Variants in FAM20C observed in about 807,000 individuals in gnomAD.
FAM20C encodes the protein extracellular serine/threonine protein kinase FAM20C.
FAM20C carries 40 observed loss-of-function variants against 51.5 expected under a neutral mutation model. The ratio of observed to expected loss-of-function variants is 0.78; its 90% CI spans 0.60 to 1.01. The LOEUF (loss-of-function observed/expected upper bound fraction) is 1.01. Ranked by LOEUF, FAM20C falls within the 50% of genes least tolerant of loss-of-function variation. The pLI, the probability that FAM20C is intolerant of heterozygous loss-of-function variation, is 0.00. For missense variants in FAM20C, 861 were observed against 844.7 expected (o/e 1.02, Z -0.24); for synonymous variants, 406 against 380.6 (o/e 1.07, Z -0.78).
At chr7:246,312 C>T in intron 3 of FAM20C, 103 bp from the exon 4 acceptor site, 1 of 970,804 alleles carries the variant, frequency 1.0e-6, no homozygotes, top group Non-Finnish European at 1.6e-6. Flanking sequence ...GCTGGAGCTC[C>T]ACCGCATTTT....
At chr7:205,474 G>C (rs73251074) in intron 2 of FAM20C, among the ~76,000 whole-genome samples, 10,270 of 152,212 alleles carry the variant, frequency 0.067, 374 homozygotes, top group Middle Eastern at 0.082. Flanking sequence ...ACTCGGCCTC[G>C]AGCAAGCCTC....
At chr7:208,829 T>C in intron 2 of FAM20C, 69 bp from the exon 3 acceptor site, 3 of 1,487,828 alleles carry the variant, frequency 2.0e-6, no homozygotes, top group South Asian at 2.5e-5. Flanking sequence ...CCAAGAGCCC[T>C]CGTCCGCACA....
At chr7:212,218 T>G (rs1175930238) in intron 3 of FAM20C, among the ~76,000 whole-genome samples, 1 of 152,200 alleles carries the variant, frequency 6.6e-6, no homozygotes, top group East Asian at 1.9e-4. Flanking sequence ...ATCCCAGCAC[T>G]TCGGGAGGCC....
intron 3 of FAM20C, among the ~76,000 whole-genome samples, chr7:211,308 GCCT>G (rs1330018130): frequency 7.6e-6 from 1 of 132,254 alleles, no homozygotes; most frequent in African/African-American, 2.9e-5. Flanking sequence ...ACATCTCCCA[GCCT>G]CCTCCCAGCC....
intron 2 of FAM20C, among the ~76,000 whole-genome samples, chr7:196,904 T>C (rs1363987928): frequency 6.6e-6 from 1 of 152,156 alleles, no homozygotes; most frequent in East Asian, 1.9e-4. Context: ...GGGAGTCCTC[T>C]TCCCTCCATG....
chr7:259,941 C>A lies in FAM20C; in HGVS notation c.1716C>A (p.Asp572Glu). 1.3e-6 allele frequency: 2 copies of A among 1,529,722 alleles called. No individual in the cohort carries two copies. The highest frequency in any genetic ancestry group is 1.8e-6 in the Non-Finnish European group (2 of 1,141,666). The allele number at this position is 1,529,722 out of a possible 1,614,324, so 94.8% of individuals were successfully genotyped here. Residue 572 changes from aspartate to glutamate, a missense_variant, in exon 10 of 10, where the codon GAC becomes GAA. Coordinates refer to ENST00000313766, the MANE Select transcript of FAM20C (RefSeq NM_020223.4). Reference protein sequence around the residue: ...ERNGLHSVVDDDLDTEHRAAS... With the variant: ...ERNGLHSVVDEDLDTEHRAAS... ...ACGGGCTCCACAGCGTGGTGGATGACGACCTGGACACTGAGCACAGAGCCG... is the reference window on the plus strand; with the variant it reads ...ACGGGCTCCACAGCGTGGTGGATGAAGACCTGGACACTGAGCACAGAGCCG...
At chr7:235,963 A>G (rs1362348526) in intron 3 of FAM20C, among the ~76,000 whole-genome samples, 1 of 152,134 alleles carries the variant, frequency 6.6e-6, no homozygotes, top group Non-Finnish European at 1.5e-5. Context: ...ATCTGATAAC[A>G]TCTTTCCACA....
Position 248,362 on chromosome 7 carries a change from A to G in FAM20C, c.1004A>G (p.Asn335Ser). Residue 335 changes from asparagine to serine, a missense_variant, in exon 5 of 10, where the codon AAC becomes AGC. Physicochemically the swap from Asn to Ser is conservative, Grantham distance 46 (BLOSUM62 1). Around this residue, in one of 3 missense-constraint regions of FAM20C, gnomAD observed 561 missense variants for 499.8 expected, o/e 1.12. Coordinates refer to ENST00000313766, the MANE Select transcript of FAM20C (RefSeq NM_020223.4). Reference sequence around the variant, plus strand: ...CCTCCCGTGGCCGGCAGGATGGTCAACATGACCAAGGAGATCCGGGACGTC... The same window carrying G: ...CCTCCCGTGGCCGGCAGGATGGTCAGCATGACCAAGGAGATCCGGGACGTC... ...RVPPVAGRMV[N>S]MTKEIRDVTR... 5.9e-6 allele frequency: 9 copies of G among 1,537,186 alleles called. No homozygotes were observed. Among genetic ancestry groups the G allele is most frequent in the Non-Finnish European group, 7.8e-6 (9 of 1,146,906 alleles).
chr7:229,968 A>C (rs1006202016), intron 3 of FAM20C, among the ~76,000 whole-genome samples: 1 of 151,954 alleles, frequency 6.6e-6, no homozygotes, highest in Non-Finnish European at 1.5e-5. Flanking sequence ...AATCCAAGAG[A>C]AATGGGATAG....
chr7:260,218 G>T lies in FAM20C; in HGVS notation c.*238G>T. The T allele has an allele frequency of 2.1e-6, 1 of 483,508 alleles. No homozygotes were observed. The highest frequency in any genetic ancestry group is 3.5e-6 in the Non-Finnish European group (1 of 283,152). 30.0% of individuals were successfully genotyped at this position (483,508 alleles called of 1,614,324 possible). On this transcript the variant is annotated 3_prime_UTR_variant, in exon 10 of 10. Coordinates refer to ENST00000313766, the MANE Select transcript of FAM20C (RefSeq NM_020223.4). ...GTGCTCACGGACAGAGGCGGCCGGC[G>T]CCGGAGGCATTCCATCCTTTCTGTA...
intron 2 of FAM20C, among the ~76,000 whole-genome samples, chr7:206,305 C>T (rs1054449709): frequency 5.9e-5 from 9 of 152,256 alleles, no homozygotes; most frequent in East Asian, 3.8e-4. Flanking sequence ...CAGTGTCCAC[C>T]GTTGGCTCCA....
chr7:246,181 C>T (rs2115145089), intron 3 of FAM20C: 1 of 496,284 alleles, frequency 2.0e-6, no homozygotes, highest in South Asian at 2.2e-5. Flanking sequence ...CCGTCGGCAG[C>T]TGGGTCAGGG....
At position 214,180 on chromosome 7, in the gene FAM20C, C is replaced by T. The variant is rs552636574; in HGVS notation, c.863+5204C>T. On this transcript the variant is annotated intron_variant, in intron 3 of 9. Transcript: ENST00000313766. ...GTCTCTACTAAAAGTACAAAATTAG[C>T]TGGGCGTGGTGATGCATGCCTGTAA... 1.1e-4 allele frequency among the ~76,000 whole-genome samples: 16 copies of T among 152,190 alleles called. No homozygotes were observed. In the East Asian group the frequency reaches 2.1e-3, roughly 20 times the overall value.
intron 3 of FAM20C, among the ~76,000 whole-genome samples, chr7:243,102 G>A (rs1235124660): frequency 3.2e-4 from 35 of 108,618 alleles, no homozygotes; most frequent in African/African-American, 9.1e-4. Context: ...TGTGCCACCC[G>A]GGAGACCTGT....
At chr7:256,340 CCT>C (rs1250265079) in intron 6 of FAM20C, 9 of 571,390 alleles carry the variant, frequency 1.6e-5, no homozygotes, top group Admixed American at 9.5e-5. Flanking sequence ...AGAAACGGCC[CCT>C]GTTCTTTCCG....
rs1015696943 is a variant in FAM20C at position 196,520 on chromosome 7, G to A, written c.784+788G>A. ...GAGCAGCTGCTCCCCGGGGATTGCA[G>A]GGAGTGGGCCTGGGTGCACACAGCT... On this transcript the variant is annotated intron_variant, in intron 2 of 9. Coordinates refer to ENST00000313766, the MANE Select transcript of FAM20C (RefSeq NM_020223.4). Among the ~76,000 whole-genome samples, 8 of 152,342 alleles carry A rather than the reference G, an allele frequency of 5.3e-5. 1 individual carries two copies. In the South Asian group the frequency reaches 1.7e-3, roughly 32 times the overall value.
At chr7:213,487 C>T (rs540001476) in intron 3 of FAM20C, among the ~76,000 whole-genome samples, 3 of 152,358 alleles carry the variant, frequency 2.0e-5, no homozygotes, top group South Asian at 4.1e-4. Flanking sequence ...CAACGCTCAT[C>T]GGTGCTGCAG....
chr7:241,648 G>A (rs1320739350), intron 3 of FAM20C, among the ~76,000 whole-genome samples: 1 of 152,018 alleles, frequency 6.6e-6, no homozygotes, highest in Middle Eastern at 3.2e-3. Context: ...GTGTATGGAT[G>A]CACATGTGCA....
At chr7:245,462 T>C (rs1020428067) in intron 3 of FAM20C, among the ~76,000 whole-genome samples, 4 of 151,606 alleles carry the variant, frequency 2.6e-5, no homozygotes, top group Non-Finnish European at 4.4e-5. Flanking sequence ...GAAGCCTGGG[T>C]TGGAGGCTGA....
Sources: allele counts gnomAD v4.1 joint callset (sites outside exome capture counted in the v4.1 genomes callset), GRCh38; gene constraint gnomAD v4.1.1; regional missense constraint gnomAD v4.1.1; transcripts MANE v1.5; gene names NCBI Gene and HGNC (gene_info 2026-07-23, HGNC 2026-07-21).